TTC29: variants seen among roughly 807,000 people sequenced by gnomAD.
TTC29 encodes the protein tetratricopeptide repeat protein 29.
In TTC29, 49 loss-of-function variants were observed where a neutral mutation model predicts 58.1. That is an observed-to-expected ratio of 0.84 (90% confidence interval 0.67 to 1.07). The LOEUF (loss-of-function observed/expected upper bound fraction) is 1.07, where lower values mean the gene tolerates loss of function less well. Ranked by LOEUF, TTC29 falls within the 50% of genes least tolerant of loss-of-function variation. The pLI is 0.00. For synonymous variants in TTC29, 209 were observed against 196.8 expected, an observed-to-expected ratio of 1.06 and a Z score of -0.52; for missense variants, 582 against 555.6, an observed-to-expected ratio of 1.05 and a Z score of -0.48.
chr4:146,909,734 AT>A (rs968026573), intron 4 of TTC29, among the ~76,000 whole-genome samples: 8 of 152,186 alleles, frequency 5.3e-5, no homozygotes, highest in African/African-American at 9.6e-5. Context: ...CTAACTATAT[AT>A]TTTTTAATTA....
At chr4:146,737,792 G>C (rs1392693814) in intron 11 of TTC29, among the ~76,000 whole-genome samples, 1 of 152,202 alleles carries the variant, frequency 6.6e-6, no homozygotes, top group African/African-American at 2.4e-5. Flanking sequence ...ACAATGGGCA[G>C]AGATATAGTT....
At chr4:146,865,736 G>A (rs1730521634) in intron 8 of TTC29, among the ~76,000 whole-genome samples, 2 of 152,146 alleles carry the variant, frequency 1.3e-5, no homozygotes, top group South Asian at 4.1e-4. Context: ...AGTTTACTGA[G>A]ACTAGATCTT....
intron 6 of TTC29, among the ~76,000 whole-genome samples, chr4:146,896,640 C>A (rs1732786939): frequency 6.6e-6 from 1 of 152,042 alleles, no homozygotes; most frequent in African/African-American, 2.4e-5. Flanking sequence ...GTCTCATTTC[C>A]AATTATTGTG....
chr4:146,864,083 C>T (rs955961417), intron 8 of TTC29, among the ~76,000 whole-genome samples: 3 of 152,150 alleles, frequency 2.0e-5, no homozygotes, highest in Non-Finnish European at 2.9e-5. Context: ...AATATTTCCA[C>T]TCTAGACTTC....
intron 10 of TTC29, among the ~76,000 whole-genome samples, chr4:146,807,099 C>A (rs1750670039): frequency 6.6e-6 from 1 of 152,126 alleles, no homozygotes; most frequent in Non-Finnish European, 1.5e-5. Context: ...CAAAACTGCA[C>A]AACTACATGG....
intron 11 of TTC29, among the ~76,000 whole-genome samples, chr4:146,766,768 A>G (rs1490549771): frequency 6.6e-6 from 1 of 152,064 alleles, no homozygotes; most frequent in Non-Finnish European, 1.5e-5. Flanking sequence ...TTCTCAATCA[A>G]CTTACAACCC....
intron 11 of TTC29, among the ~76,000 whole-genome samples, chr4:146,790,967 A>G (rs1248441325): frequency 1.3e-5 from 2 of 152,212 alleles, no homozygotes; most frequent in East Asian, 3.8e-4. Context: ...CCATAGTTTT[A>G]TTCCTAGAAC....
At chr4:146,709,136 G>A (rs565467387) in intron 11 of TTC29, among the ~76,000 whole-genome samples, 1 of 152,146 alleles carries the variant, frequency 6.6e-6, no homozygotes, top group South Asian at 2.1e-4. Context: ...TCAATGTAAA[G>A]GTAGAAGATT....
At chr4:146,862,064 C>A (rs1368743105) in intron 8 of TTC29, among the ~76,000 whole-genome samples, 1 of 152,042 alleles carries the variant, frequency 6.6e-6, no homozygotes, top group African/African-American at 2.4e-5. Flanking sequence ...ATGACAGGAC[C>A]ATCAGTAGTG....
intron 6 of TTC29, among the ~76,000 whole-genome samples, chr4:146,896,694 G>A (rs1362553843): frequency 1.3e-5 from 2 of 152,032 alleles, no homozygotes; most frequent in Non-Finnish European, 2.9e-5. Flanking sequence ...TTCTCTCATT[G>A]TTTTCATTTC....
intron 11 of TTC29, among the ~76,000 whole-genome samples, chr4:146,739,865 A>G (rs1343830749): frequency 2.0e-5 from 3 of 152,170 alleles, no homozygotes; most frequent in Non-Finnish European, 4.4e-5. Flanking sequence ...GTTTGGGTAC[A>G]TTGCTAGGCT....
rs5862775 is a variant in TTC29 at position 146,839,535 on chromosome 4, C to CGTGTGTGTGT, written c.886-5648_886-5639dup. 4.3e-3 allele frequency among the ~76,000 whole-genome samples: 608 copies of CGTGTGTGTGT among 140,556 alleles called. 2 individuals are homozygous for CGTGTGTGTGT. Among genetic ancestry groups the CGTGTGTGTGT allele is most frequent in the Middle Eastern group, 0.011 (3 of 278 alleles). The allele number at this position is 140,556 out of a possible 152,430, so 92.2% of individuals were successfully genotyped here. A position where few individuals can be genotyped will look rare whatever the true frequency, so the allele number is the denominator to read the frequency against. ...AGATTTCACCAGTTTTACATGAACT[C>CGTGTGTGTGT]GTGTGTGTGTGTGTGTGTGTGTGTG... On this transcript the variant is annotated intron_variant, in intron 8 of 12. Coordinates refer to ENST00000325106, the MANE Select transcript of TTC29 (RefSeq NM_031956.4).
rs115044420 is a variant in TTC29, at chr4:146,862,309, C to T, written c.885+5189G>A. On this transcript the variant is annotated intron_variant, in intron 8 of 12. Coordinates refer to ENST00000325106, the MANE Select transcript of TTC29 (RefSeq NM_031956.4). ...ATATATTCACTAAATAAGGAGTGCT[C>T]TCTCCTGCTATAGATTTCTAATAGA... 3.9e-3 allele frequency among the ~76,000 whole-genome samples: 593 copies of T among 151,344 alleles called. 6 individuals are homozygous for T. The highest frequency in any genetic ancestry group is 0.013 in the African/African-American group (550 of 41,308).
chr4:146,914,412 A>G (rs958449699), intron 4 of TTC29, among the ~76,000 whole-genome samples: 2 of 152,208 alleles, frequency 1.3e-5, no homozygotes, highest in African/African-American at 2.4e-5. Flanking sequence ...ACTTTTATGA[A>G]TATTAGTCTA....
At chr4:146,795,958 A>C (rs1276435449) in intron 11 of TTC29, among the ~76,000 whole-genome samples, 1 of 152,224 alleles carries the variant, frequency 6.6e-6, no homozygotes, top group Non-Finnish European at 1.5e-5. Flanking sequence ...GACAAATATA[A>C]ATGGGGTGAC....
intron 8 of TTC29, among the ~76,000 whole-genome samples, chr4:146,861,418 C>T (rs951824724): frequency 4.6e-5 from 7 of 152,134 alleles, no homozygotes; most frequent in Admixed American, 2.0e-4. Flanking sequence ...GTAGCATTCT[C>T]CTCGTTAAAT....
chr4:146,810,585 CTTCT>C (rs1750949184), intron 10 of TTC29, among the ~76,000 whole-genome samples: 1 of 129,756 alleles, frequency 7.7e-6, no homozygotes, highest in African/African-American at 2.9e-5. Context: ...TTTTACATAC[CTTCT>C]TTTTTTTTTT....
chr4:146,853,285 G>T (rs945622101), intron 8 of TTC29, among the ~76,000 whole-genome samples: 1 of 152,148 alleles, frequency 6.6e-6, no homozygotes, highest in Admixed American at 6.5e-5. Context: ...ACCAAAAACA[G>T]TTTGGTAGTT....
intron 11 of TTC29, among the ~76,000 whole-genome samples, chr4:146,771,290 A>G (rs147603934): frequency 8.0e-4 from 122 of 152,226 alleles, no homozygotes; most frequent in African/African-American, 2.7e-3. Context: ...TCAGGGGTAC[A>G]TGTGCAGGTT....
Sources: allele counts gnomAD v4.1 joint callset (sites outside exome capture counted in the v4.1 genomes callset), GRCh38; gene constraint gnomAD v4.1.1; transcripts MANE v1.5; gene names NCBI Gene and HGNC (gene_info 2026-07-23, HGNC 2026-07-21).